Variants in ZNF638 observed in about 807,000 individuals in gnomAD.
The protein encoded by ZNF638 is CTCL tumor antigen se33-1.
Under a neutral mutation model 195.6 loss-of-function variants are expected in ZNF638, and 46 were observed. The observed-to-expected ratio is 0.24, with a 90% CI of 0.19 to 0.30. ZNF638 has a LOEUF of 0.30. Ranked by LOEUF, ZNF638 falls within the 10% of genes least tolerant of loss-of-function variation. ZNF638 has a pLI of 1.00. For synonymous variants in ZNF638, 845 were observed against 772.0 expected, an observed-to-expected ratio of 1.09 and a Z score of -1.57; for missense variants, 2,440 against 2,325.3, an observed-to-expected ratio of 1.05 and a Z score of -1.01.
At chr2:71,384,162 T>A (rs547948728) in intron 10 of ZNF638, among the ~76,000 whole-genome samples, 18 of 152,330 alleles carry the variant, frequency 1.2e-4, no homozygotes, top group African/African-American at 4.3e-4. Context: ...ACTTCAGCTC[T>A]CAAATTCTTT....
chr2:71,408,452 T>C (rs190540242), intron 20 of ZNF638: 7 of 556,764 alleles, frequency 1.3e-5, no homozygotes, highest in East Asian at 3.5e-5. Context: ...ATGTAACATA[T>C]ATGCATTTTT....
In ZNF638 at chr2:71,426,709, C is replaced by G. The variant is rs759013141; in HGVS notation, c.4840C>G (p.Leu1614Val). 6.2e-7 allele frequency: 1 copy of G among 1,614,164 alleles called. No homozygotes were observed. Among genetic ancestry groups the G allele is most frequent in the Non-Finnish European group, 8.5e-7 (1 of 1,180,018 alleles). Residue 1614 changes from leucine (L) to valine (V), a missense_variant, in exon 24 of 28, where the codon CTA (leucine) becomes GTA (valine). Coordinates refer to ENST00000264447, the MANE Select transcript of ZNF638 (RefSeq NM_014497.5). ...GGAAGAGGAAGATGCAGCTGCACAT[C>G]TAGCACAAGCTCTAGTCACTGTGGA... ...IGEEEDAAAH[L>V]AQALVTVDEV...
chr2:71,418,593 A>G lies in ZNF638; in HGVS notation c.3262-9A>G, dbSNP rs767492467. On this transcript the variant is annotated splice_polypyrimidine_tract_variant and intron_variant, in intron 20 of 27. Transcript: ENST00000264447. Reference sequence around the variant, plus strand: ...AATAGCCTCTAATAAAATGCTGATTATATTACAGGTGCAAATTGAGCATGA... The same window carrying G: ...AATAGCCTCTAATAAAATGCTGATTGTATTACAGGTGCAAATTGAGCATGA... The G allele has an allele frequency of 2.7e-5, 41 of 1,546,736 alleles. No individual in the cohort carries two copies. The highest frequency in any genetic ancestry group is 3.5e-5 in the Non-Finnish European group (40 of 1,145,862).
chr2:71,338,928 C>T (rs1180379825), intron 1 of ZNF638, among the ~76,000 whole-genome samples: 1 of 152,146 alleles, frequency 6.6e-6, no homozygotes, highest in Non-Finnish European at 1.5e-5. Context: ...ATAACATTAC[C>T]ATATCCCTTC....
intron 1 of ZNF638, among the ~76,000 whole-genome samples, chr2:71,338,033 A>G (rs377163776): frequency 5.3e-5 from 8 of 152,286 alleles, no homozygotes; most frequent in Middle Eastern, 3.4e-3. Context: ...AACTAATGCT[A>G]TGTCCCCAGG....
chr2:71,384,709 T>G (rs1461392814), intron 10 of ZNF638, among the ~76,000 whole-genome samples: 1 of 152,190 alleles, frequency 6.6e-6, no homozygotes. Context: ...TTGTTATGGC[T>G]TTTCTCTTTT....
chr2:71,422,836 A>C lies in ZNF638; in HGVS notation c.3322A>C (p.Ile1108Leu). Residue 1108 changes from isoleucine to leucine, a missense_variant, in exon 22 of 28, where the codon ATT (isoleucine) becomes CTT (leucine). Physicochemically the swap from Ile to Leu is conservative, Grantham distance 5. This residue lies in a region of ZNF638 where 1,883 missense variants were observed against 1,739.1 expected (regional missense o/e 1.08). Transcript: ENST00000264447. ...KESPGLKNSPIDESEVQTATD... is the reference protein window; with the variant it reads ...KESPGLKNSPLDESEVQTATD... ...TAGCCCTGGCTTGAAAAACAGTCCA[A>C]TTGATGAAAGTGAGGTGCAAACAGC... 1.2e-6 allele frequency: 2 copies of C among 1,612,354 alleles called. No homozygotes were observed. The highest frequency in any genetic ancestry group is 1.7e-6 in the Non-Finnish European group (2 of 1,179,148).
At chr2:71,402,496 T>C (rs185841112) in intron 16 of ZNF638, among the ~76,000 whole-genome samples, 1 of 152,248 alleles carries the variant, frequency 6.6e-6, no homozygotes, top group African/African-American at 2.4e-5. Context: ...CTATTTTGGC[T>C]TTTTAGGAAG....
chr2:71,420,386 G>A (rs1220659262), intron 21 of ZNF638, among the ~76,000 whole-genome samples: 5 of 152,054 alleles, frequency 3.3e-5, no homozygotes, highest in Non-Finnish European at 7.4e-5. Flanking sequence ...TTTATCATCT[G>A]ATTAAAGCCA....
intron 10 of ZNF638, among the ~76,000 whole-genome samples, chr2:71,384,902 C>CA (rs1452792956): frequency 6.9e-6 from 1 of 145,956 alleles, no homozygotes; most frequent in African/African-American, 2.7e-5. Context: ...TTGCTTAAGT[C>CA]AGTTATTTTC....
At chr2:71,392,241 C>A (rs551621330) in intron 10 of ZNF638, among the ~76,000 whole-genome samples, 5 of 152,198 alleles carry the variant, frequency 3.3e-5, no homozygotes, top group Admixed American at 6.5e-5. Context: ...ATCTCATACT[C>A]CTCTAGTTTT....
rs2078900880 is a variant in ZNF638 at position 71,349,096 on chromosome 2, G to A, written c.142G>A (p.Ala48Thr). The A allele has an allele frequency of 6.2e-7, 1 of 1,614,166 alleles. No individual in the cohort carries two copies. Among genetic ancestry groups the A allele is most frequent in the Non-Finnish European group, 8.5e-7 (1 of 1,180,026 alleles). The change falls in exon 2 of 28, where the codon GCA becomes ACA. Residue 48 changes from alanine (A) to threonine (T), a missense_variant. Physicochemically the swap from Ala to Thr is moderately conservative, Grantham distance 58 (BLOSUM62 0). This residue lies in a region of ZNF638 where 191 missense variants were observed against 173.8 expected (regional missense o/e 1.10). Coordinates refer to ENST00000264447, the MANE Select transcript of ZNF638 (RefSeq NM_014497.5). ...CCCAAGATTTTACCCAGCAGGGAGAGCACGTGGAATTCCACACAGATTTGC... is the reference window on the plus strand; with the variant it reads ...CCCAAGATTTTACCCAGCAGGGAGAACACGTGGAATTCCACACAGATTTGC... ...GLPRFYPAGR[A>T]RGIPHRFAGH...
intron 10 of ZNF638, among the ~76,000 whole-genome samples, chr2:71,382,435 T>C (rs893727945): frequency 1.3e-5 from 2 of 152,186 alleles, no homozygotes; most frequent in Admixed American, 1.3e-4. Context: ...TACTTGATAA[T>C]TTTTTGAGAT....
In ZNF638 at chr2:71,405,620, T is replaced by C; in HGVS notation, c.2978T>C (p.Leu993Ser). 6.4e-7 allele frequency: 1 copy of C among 1,572,598 alleles called. No individual in the cohort carries two copies. The highest frequency in any genetic ancestry group is 8.7e-7 in the Non-Finnish European group (1 of 1,154,650). Reference sequence around the variant, plus strand: ...TTTTAGGAAGCTATATTTATAACCTTGGTAAAAGAAAATGACCCAGAGGTA... The same window carrying C: ...TTTTAGGAAGCTATATTTATAACCTCGGTAAAAGAAAATGACCCAGAGGTA... ...IKDEEAIFIT[L>S]VKENDPEANI... The change falls in exon 18 of 28, where the codon TTG (leucine) becomes TCG (serine). Residue 993 changes from leucine to serine, a missense_variant. This residue lies in a region of ZNF638 where 1,883 missense variants were observed against 1,739.1 expected (regional missense o/e 1.08). Transcript: ENST00000264447.
intron 20 of ZNF638, 153 bp from the exon 21 acceptor site, chr2:71,418,449 T>C: frequency 2.3e-6 from 1 of 432,840 alleles, no homozygotes; most frequent in Non-Finnish European, 4.0e-6. Context: ...TTCTAGAACC[T>C]GATAGTAATG....
chr2:71,363,371 T>TCTA (rs2079140729), intron 4 of ZNF638, among the ~76,000 whole-genome samples, 180 bp downstream of exon 4: 1 of 152,224 alleles, frequency 6.6e-6, no homozygotes, highest in Admixed American at 6.5e-5. Flanking sequence ...CCTCCCCTGA[T>TCTA]CTACTTTCTT....
intron 18 of ZNF638, 147 bp downstream of exon 18, chr2:71,405,789 A>G: frequency 1.5e-6 from 1 of 687,098 alleles, no homozygotes; most frequent in Non-Finnish European, 2.4e-6. Context: ...CTTGGTAACA[A>G]TAAAAAAATA....
intron 6 of ZNF638, among the ~76,000 whole-genome samples, chr2:71,367,738 CTT>C (rs60228089): frequency 3.4e-5 from 5 of 144,998 alleles, no homozygotes; most frequent in African/African-American, 5.0e-5. Flanking sequence ...CAGGCCTGGC[CTT>C]TTTTTTTTTT....
chr2:71,399,722 G>A, intron 13 of ZNF638, 77 bp downstream of exon 13: 2 of 1,191,496 alleles, frequency 1.7e-6, no homozygotes, highest in Non-Finnish European at 2.4e-6. Flanking sequence ...GGGTACATGT[G>A]CAGGTTTCTT....
Sources: allele counts gnomAD v4.1 joint callset (sites outside exome capture counted in the v4.1 genomes callset), GRCh38; gene constraint gnomAD v4.1.1; regional missense constraint gnomAD v4.1.1; transcripts MANE v1.5; gene names NCBI Gene and HGNC (gene_info 2026-07-23, HGNC 2026-07-21).